EYS: variants seen among roughly 807,000 people sequenced by gnomAD.
EYS encodes EGF-like photoreceptor maintenance factor.
EYS carries 250 observed loss-of-function variants against 282.1 expected under a neutral mutation model. That is an observed-to-expected ratio of 0.89 (90% CI 0.80 to 0.98). EYS has a LOEUF of 0.98. EYS is among the 50% of genes least tolerant of loss of function. The pLI, the probability that EYS is intolerant of heterozygous loss-of-function variation, is 0.00. For missense variants in EYS, 4,016 were observed against 3,709.0 expected, an observed-to-expected ratio of 1.08 and a Z score of -2.15; for synonymous variants, 1,355 against 1,282.9, an observed-to-expected ratio of 1.06 and a Z score of -1.20.
chr6:64,710,286 G>C (rs542116798), intron 22 of EYS, among the ~76,000 whole-genome samples: 16 of 152,170 alleles, frequency 1.1e-4, no homozygotes. Context: ...AGCTGGTATT[G>C]TCATGTTCAT....
At chr6:64,436,364 T>A (rs1402648794) in intron 27 of EYS, 99 bp from the exon 28 acceptor site, 2 of 661,004 alleles carry the variant, frequency 3.0e-6, no homozygotes, top group African/African-American at 3.6e-5. Context: ...ATATTTTACA[T>A]CACTTTGGAG....
intron 41 of EYS, among the ~76,000 whole-genome samples, chr6:63,732,167 G>A (rs377246659): frequency 3.3e-5 from 5 of 151,844 alleles, no homozygotes; most frequent in South Asian, 2.1e-4. Flanking sequence ...CTCCTAACTC[G>A]TGCTTTTCCA....
intron 26 of EYS, among the ~76,000 whole-genome samples, chr6:64,501,430 T>C (rs970963752): frequency 5.9e-5 from 9 of 152,088 alleles, no homozygotes; most frequent in African/African-American, 2.2e-4. Flanking sequence ...TTATACTATT[T>C]TAAATATGTA....
chr6:64,132,637 T>TC (rs1774017735), intron 31 of EYS, among the ~76,000 whole-genome samples: 1 of 151,890 alleles, frequency 6.6e-6, no homozygotes, highest in Admixed American at 6.6e-5. Context: ...ATTAAAAATA[T>TC]CCACAACCCA....
At chr6:65,238,776 C>A (rs950353487) in intron 12 of EYS, among the ~76,000 whole-genome samples, 1 of 151,734 alleles carries the variant, frequency 6.6e-6, no homozygotes, top group South Asian at 2.1e-4. Flanking sequence ...GTAGGAATAG[C>A]CAAATATTTT....
At chr6:65,648,591 A>C (rs956708199) in intron 1 of EYS, among the ~76,000 whole-genome samples, 2 of 152,080 alleles carry the variant, frequency 1.3e-5, no homozygotes, top group Non-Finnish European at 2.9e-5. Flanking sequence ...AAAAGAGTAC[A>C]CATTGGGTAC....
At chr6:64,969,302 G>A (rs138489537) in intron 14 of EYS, among the ~76,000 whole-genome samples, 4 of 152,256 alleles carry the variant, frequency 2.6e-5, no homozygotes, top group Admixed American at 6.5e-5. Flanking sequence ...CTTGCTACTA[G>A]CTGGGGACTG....
At chr6:65,032,499 A>C (rs879588776) in intron 13 of EYS, among the ~76,000 whole-genome samples, 2 of 152,066 alleles carry the variant, frequency 1.3e-5, no homozygotes, top group Admixed American at 1.3e-4. Context: ...AGTGTGTGAC[A>C]CCTGACCTAC....
intron 35 of EYS, among the ~76,000 whole-genome samples, chr6:63,875,029 A>G (rs1772930051): frequency 6.6e-6 from 1 of 152,192 alleles, no homozygotes; most frequent in Non-Finnish European, 1.5e-5. Context: ...GTGATGAGAG[A>G]GGGCATCCCT....
Position 64,493,646 on chromosome 6 carries a change from G to A in EYS, c.5645-54294C>T, listed in dbSNP as rs1176998698. Among the ~76,000 whole-genome samples the A allele has an allele frequency of 4.0e-5, 6 of 151,362 alleles. No homozygotes were observed. The East Asian group carries it at 9.8e-4, about 25-fold the overall frequency. On this transcript the variant is annotated intron_variant, in intron 26 of 42. Coordinates refer to ENST00000503581, the MANE Select transcript of EYS (RefSeq NM_001142800.2). The stretch of plus-strand genomic sequence containing the variant: ...ACAAGGCCAAGTTCTGTATTCCATT[G>A]TATTCTTTTTTTTTAATTATACTTT...
chr6:64,811,184 A>T (rs1448198343), intron 22 of EYS, among the ~76,000 whole-genome samples: 3 of 152,028 alleles, frequency 2.0e-5, no homozygotes, highest in African/African-American at 4.8e-5. Context: ...CTGACTTCTC[A>T]TAGTGTAGCG....
chr6:65,407,158 T>C (rs988778553), intron 5 of EYS, among the ~76,000 whole-genome samples: 1 of 152,234 alleles, frequency 6.6e-6, no homozygotes, highest in South Asian at 2.1e-4. Flanking sequence ...CATAGCTTTA[T>C]GTTAAAGTCT....
chr6:64,315,079 A>G (rs1769892851), intron 29 of EYS, among the ~76,000 whole-genome samples: 1 of 152,200 alleles, frequency 6.6e-6, no homozygotes, highest in Non-Finnish European at 1.5e-5. Flanking sequence ...ACAATAAAAA[A>G]TGATAAAGGG....
At chr6:65,670,764 A>G (rs1197566870) in intron 1 of EYS, among the ~76,000 whole-genome samples, 1 of 152,038 alleles carries the variant, frequency 6.6e-6, no homozygotes. Flanking sequence ...TTTACCCTCG[A>G]CACTAGAATA....
At chr6:64,668,704 A>G (rs1769327924) in intron 22 of EYS, among the ~76,000 whole-genome samples, 1 of 151,800 alleles carries the variant, frequency 6.6e-6, no homozygotes, top group Non-Finnish European at 1.5e-5. Flanking sequence ...AGCTGGGACT[A>G]CAGGTACCCG....
At chr6:63,797,424 G>C (rs533704579) in intron 37 of EYS, 4 of 152,270 alleles carry the variant, frequency 2.6e-5, no homozygotes, top group Non-Finnish European at 4.4e-5. Context: ...TAGGATTCTA[G>C]ACATTTGAGC....
intron 1 of EYS, among the ~76,000 whole-genome samples, chr6:65,657,631 C>T (rs895392470): frequency 3.3e-5 from 5 of 151,718 alleles, no homozygotes; most frequent in Non-Finnish European, 7.4e-5. Flanking sequence ...GAGCAAATAA[C>T]GTGGTTTCTT....
At chr6:64,091,762 T>TA (rs1772369818) in intron 31 of EYS, among the ~76,000 whole-genome samples, 1 of 152,196 alleles carries the variant, frequency 6.6e-6, no homozygotes, top group South Asian at 2.1e-4. Flanking sequence ...GTCTTTTTTT[T>TA]AATTATACTT....
At chr6:65,299,148 T>A (rs573694198) in intron 11 of EYS, among the ~76,000 whole-genome samples, 1 of 152,252 alleles carries the variant, frequency 6.6e-6, no homozygotes, top group East Asian at 1.9e-4. Context: ...GTTCTGCATA[T>A]CATAAAATGT....
Sources: gnomAD v4.1 joint callset for allele counts (sites outside exome capture counted in the v4.1 genomes callset) on GRCh38, gnomAD v4.1.1 for gene constraint, MANE v1.5 for transcripts, NCBI Gene and HGNC (gene_info 2026-07-23, HGNC 2026-07-21) for gene names.